The following NTRK3 variants were observed in gnomAD, a reference collection of about 807,000 sequenced individuals.
The protein encoded by NTRK3 is NT-3 growth factor receptor.
NTRK3 carries 24 observed loss-of-function variants against 91.7 expected under a neutral mutation model. The ratio of observed to expected loss-of-function variants is 0.26; its 90% CI spans 0.19 to 0.37. NTRK3 has a LOEUF of 0.37. NTRK3 is among the 10% of genes least tolerant of loss of function. The pLI, the probability that NTRK3 is intolerant of heterozygous loss-of-function variation, is 1.00. For missense variants in NTRK3, 880 were observed against 1,068.9 expected (o/e 0.82, Z 2.46); for synonymous variants, 483 against 404.0 (o/e 1.20, Z -2.34).
intron 3 of NTRK3, among the ~76,000 whole-genome samples, chr15:88,193,159 G>A (rs1467278432): frequency 6.6e-6 from 1 of 152,072 alleles, no homozygotes; most frequent in East Asian, 1.9e-4. Flanking sequence ...CACTGCCAGA[G>A]GATCTCCACC....
chr15:88,068,489 A>G (rs1399010310), intron 13 of NTRK3, among the ~76,000 whole-genome samples: 1 of 152,162 alleles, frequency 6.6e-6, no homozygotes, highest in Non-Finnish European at 1.5e-5. Flanking sequence ...TAGAAAAAGG[A>G]ATACTTTGAC....
At chr15:87,874,945 C>G (rs2064910920) in exon 19 of NTRK3, 1 of 232,968 alleles carries the variant, frequency 4.3e-6, no homozygotes, top group Non-Finnish European at 8.5e-6. Flanking sequence ...TCTCACCTGC[C>G]TCCCCTCCCA....
intron 14 of NTRK3, among the ~76,000 whole-genome samples, chr15:88,019,715 T>TA (rs2077474839): frequency 6.6e-6 from 1 of 152,116 alleles, no homozygotes; most frequent in Admixed American, 6.5e-5. Context: ...TGAGAGAAGT[T>TA]AACCTGGTGA....
exon 3 of NTRK3, chr15:88,256,070 G>T (rs778629850): frequency 1.2e-6 from 2 of 1,613,354 alleles, no homozygotes; most frequent in South Asian, 1.1e-5. Flanking sequence ...AAGCCAGCAC[G>T]GAGCCCACAT....
At chr15:87,936,916 T>G (rs1319358491) in intron 15 of NTRK3, among the ~76,000 whole-genome samples, 1 of 152,196 alleles carries the variant, frequency 6.6e-6, no homozygotes, top group African/African-American at 2.4e-5. Context: ...CTCCTTAACA[T>G]AGTCATGGAC....
chr15:87,974,607 A>G (rs1317007030), intron 14 of NTRK3, among the ~76,000 whole-genome samples: 1 of 152,092 alleles, frequency 6.6e-6, no homozygotes, highest in Non-Finnish European at 1.5e-5. Flanking sequence ...GGTCTCATCC[A>G]ACTGTATGAT....
chr15:87,931,061 T>C, intron 16 of NTRK3: 1 of 356,336 alleles, frequency 2.8e-6, no homozygotes, highest in Non-Finnish European at 5.5e-6. Context: ...TGTACTCCTT[T>C]TTCTTTTCTT....
intron 5 of NTRK3, among the ~76,000 whole-genome samples, chr15:88,176,127 A>G (rs2045969343): frequency 2.1e-5 from 3 of 140,722 alleles, no homozygotes; most frequent in African/African-American, 8.4e-5. Context: ...ATTTGCCTAT[A>G]TGCCCCTTCT....
chr15:88,152,843 A>G (rs1035693567), intron 5 of NTRK3, among the ~76,000 whole-genome samples: 2 of 152,222 alleles, frequency 1.3e-5, no homozygotes. Context: ...CTAATCTGGT[A>G]TCTGCCCACT....
In NTRK3 at chr15:87,924,146, C is replaced by T. The variant is rs138486085; in HGVS notation, c.2133+5045G>A. 5.0e-4 allele frequency among the ~76,000 whole-genome samples: 76 copies of T among 152,146 alleles called. 1 individual carries two copies. Among genetic ancestry groups the T allele is most frequent in the African/African-American group, 1.7e-3 (70 of 41,512 alleles). On this transcript the variant is annotated intron_variant, in intron 17 of 18. Transcript: ENST00000394480. ...ATGCGTGTGATAGGGGATGTTGGCTCCATTTTACAGTTGAAGACACAGAAA... is the reference window on the plus strand; with the variant it reads ...ATGCGTGTGATAGGGGATGTTGGCTTCATTTTACAGTTGAAGACACAGAAA...
intron 13 of NTRK3, among the ~76,000 whole-genome samples, chr15:88,094,168 A>T (rs2049322856): frequency 6.6e-6 from 1 of 152,140 alleles, no homozygotes; most frequent in Non-Finnish European, 1.5e-5. Context: ...GAAGGGGCTT[A>T]AGAATAAAAA....
At chr15:88,226,107 G>T (rs1288474718) in intron 3 of NTRK3, among the ~76,000 whole-genome samples, 1 of 152,218 alleles carries the variant, frequency 6.6e-6, no homozygotes, top group Non-Finnish European at 1.5e-5. Flanking sequence ...CACCAGGCAA[G>T]TCCTCTTCCT....
At chr15:88,022,507 T>C (rs1226684376) in intron 14 of NTRK3, among the ~76,000 whole-genome samples, 2 of 152,220 alleles carry the variant, frequency 1.3e-5, no homozygotes, top group African/African-American at 2.4e-5. Context: ...TGGGAAATCT[T>C]GAGCTAGAAA....
At chr15:88,081,809 C>T (rs938695190) in intron 13 of NTRK3, among the ~76,000 whole-genome samples, 2 of 152,234 alleles carry the variant, frequency 1.3e-5, no homozygotes, top group African/African-American at 4.8e-5. Context: ...CCCTGCCAAA[C>T]CCTCCCCAAC....
intron 3 of NTRK3, among the ~76,000 whole-genome samples, chr15:88,204,296 G>A (rs34667361): frequency 4.0e-5 from 6 of 151,848 alleles, no homozygotes; most frequent in Non-Finnish European, 8.8e-5. Context: ...CTCTCCTTCT[G>A]GCATACTCTC....
At chr15:87,869,267 A>T (rs111394381) in exon 19 of NTRK3, 20 of 230,600 alleles carry the variant, frequency 8.7e-5, no homozygotes, top group African/African-American at 4.2e-4. Flanking sequence ...CAGAGAAAGC[A>T]GAGTCAGTGG....
At chr15:87,959,000 C>T (rs2071970407) in intron 14 of NTRK3, among the ~76,000 whole-genome samples, 1 of 151,180 alleles carries the variant, frequency 6.6e-6, no homozygotes, top group African/African-American at 2.4e-5. Context: ...CCGCTCCCCG[C>T]CCCCCGCATT....
chr15:87,909,747 G>A (rs1367142618), intron 17 of NTRK3, among the ~76,000 whole-genome samples: 3 of 152,206 alleles, frequency 2.0e-5, no homozygotes, highest in South Asian at 4.1e-4. Flanking sequence ...GGTCTGTAGG[G>A]TGGGCCCTAA....
chr15:88,170,804 G>A (rs1193458734), intron 5 of NTRK3, among the ~76,000 whole-genome samples: 5 of 152,056 alleles, frequency 3.3e-5, no homozygotes, highest in African/African-American at 4.8e-5. Flanking sequence ...TGAACTGAAC[G>A]ACTCCCCTAA....
Sources: gnomAD v4.1 joint callset for allele counts (sites outside exome capture counted in the v4.1 genomes callset) on GRCh38, gnomAD v4.1.1 for gene constraint, MANE v1.5 for transcripts, NCBI Gene and HGNC (gene_info 2026-07-23, HGNC 2026-07-21) for gene names.